The following GNAI3 variants were observed in gnomAD, a reference collection of about 807,000 sequenced individuals.
GNAI3 encodes the protein guanine nucleotide-binding protein G(i) subunit alpha-3.
GNAI3 carries 12 observed loss-of-function variants against 41.8 expected under a neutral mutation model. That is an observed-to-expected ratio of 0.29 (90% CI 0.18 to 0.47). GNAI3 has a LOEUF of 0.47. Ranked by LOEUF, GNAI3 falls within the 20% of genes least tolerant of loss-of-function variation. GNAI3 has a pLI of 1.00. For synonymous variants in GNAI3, 132 were observed against 146.5 expected, an observed-to-expected ratio of 0.90 and a Z score of 0.71; for missense variants, 360 against 429.6, an observed-to-expected ratio of 0.84 and a Z score of 1.43.
chr1:109,574,517 G>A (rs1648686587), intron 3 of GNAI3, among the ~76,000 whole-genome samples: 1 of 152,022 alleles, frequency 6.6e-6, no homozygotes, highest in Non-Finnish European at 1.5e-5. Flanking sequence ...TATACTACAT[G>A]GAACCTAAGG....
intron 1 of GNAI3, among the ~76,000 whole-genome samples, chr1:109,573,482 G>A (rs1284610876): frequency 1.3e-5 from 2 of 152,092 alleles, no homozygotes; most frequent in African/African-American, 4.8e-5. Context: ...CCTTGGATAT[G>A]CCTATTTTAC....
intron 1 of GNAI3, among the ~76,000 whole-genome samples, chr1:109,557,614 C>G (rs1379715509): frequency 6.6e-6 from 1 of 152,166 alleles, no homozygotes; most frequent in Non-Finnish European, 1.5e-5. Flanking sequence ...AACCCCCACC[C>G]TCTCCCCTAT....
At chr1:109,576,950 CA>C (rs1208651908) in intron 3 of GNAI3, among the ~76,000 whole-genome samples, 3 of 148,266 alleles carry the variant, frequency 2.0e-5, no homozygotes, top group Admixed American at 1.3e-4. Flanking sequence ...GTCAGGACAG[CA>C]AAAAAAGTAG....
At position 109,599,512 on chromosome 1, in the gene GNAI3, CATATT is replaced by C. The variant is rs1238429874; in HGVS notation, c.*7191_*7195del. 1.3e-5 allele frequency: 2 copies of C among 152,134 alleles called. No homozygotes were observed. The highest frequency in any genetic ancestry group is 4.8e-5 in the African/African-American group (2 of 41,430). The allele number at this position is 152,134 out of a possible 1,614,324, so 9.4% of individuals were successfully genotyped here. A position where few individuals can be genotyped will look rare whatever the true frequency, so the allele number is the denominator to read the frequency against. ...ATAGTATTTGTCCTTTTGTGTCAAT[CATATT>C]GTATTTTTGTCTAAAAAAGGAAAAC... On this transcript the variant is annotated 3_prime_UTR_variant, in exon 9 of 9. Transcript: ENST00000369851.
At chr1:109,584,186 T>C (rs1384009026) in intron 5 of GNAI3, among the ~76,000 whole-genome samples, 1 of 152,226 alleles carries the variant, frequency 6.6e-6, no homozygotes, top group African/African-American at 2.4e-5. Context: ...GTTTACGTAT[T>C]ACTAGATACC....
intron 1 of GNAI3, among the ~76,000 whole-genome samples, chr1:109,555,260 TTA>T (rs1261605300): frequency 5.9e-5 from 9 of 152,186 alleles, no homozygotes; most frequent in African/African-American, 2.2e-4. Flanking sequence ...CCTAGAGGCA[TTA>T]GATTACCTGA....
chr1:109,558,355 G>C (rs1571148136), intron 1 of GNAI3, among the ~76,000 whole-genome samples: 1 of 152,022 alleles, frequency 6.6e-6, no homozygotes, highest in African/African-American at 2.4e-5. Flanking sequence ...CCTGGGAGGC[G>C]GACGTTGCAG....
At position 109,573,794 on chromosome 1, in the gene GNAI3, A is replaced by G. The variant is rs1425289697; in HGVS notation, c.161+15A>G. 3 of 1,608,486 alleles carry G rather than the reference A, an allele frequency of 1.9e-6. No homozygotes were observed. In the South Asian group the frequency reaches 3.3e-5, roughly 18 times the overall value. Reference sequence around the variant, plus strand: ...AAACAGATGAAGTAAGTTGGAATGTAGCGTTTTGTTAGACTAGGATTTCTC... The same window carrying G: ...AAACAGATGAAGTAAGTTGGAATGTGGCGTTTTGTTAGACTAGGATTTCTC... On this transcript the variant is annotated intron_variant, in intron 2 of 8. Coordinates refer to ENST00000369851, the MANE Select transcript of GNAI3 (RefSeq NM_006496.4).
At chr1:109,570,891 A>G (rs957489667) in intron 1 of GNAI3, among the ~76,000 whole-genome samples, 8 of 152,244 alleles carry the variant, frequency 5.3e-5, no homozygotes, top group African/African-American at 1.7e-4. Flanking sequence ...CTGACTGGCA[A>G]ACTGGCTTTA....
At chr1:109,590,645 G>A (rs982495090) in intron 7 of GNAI3, among the ~76,000 whole-genome samples, 8 of 150,732 alleles carry the variant, frequency 5.3e-5, no homozygotes, top group South Asian at 2.1e-4. Context: ...GCATGATCTC[G>A]GCTCACTGCA....
intron 1 of GNAI3, among the ~76,000 whole-genome samples, chr1:109,552,173 A>T (rs1647997838): frequency 6.6e-6 from 1 of 152,232 alleles, no homozygotes; most frequent in Admixed American, 6.5e-5. Flanking sequence ...CAAAAAAAAA[A>T]AAAATAAAGT....
intron 3 of GNAI3, among the ~76,000 whole-genome samples, chr1:109,575,634 C>T (rs972237797): frequency 1.4e-5 from 2 of 141,812 alleles, no homozygotes; most frequent in African/African-American, 5.2e-5. Context: ...CAGGTTCAAG[C>T]GATTCTCCTG....
At chr1:109,562,381 T>C (rs1648333794) in intron 1 of GNAI3, among the ~76,000 whole-genome samples, 1 of 152,126 alleles carries the variant, frequency 6.6e-6, no homozygotes, top group African/African-American at 2.4e-5. Context: ...TGGATTTTGG[T>C]ATCCTAGGGG....
In GNAI3 at chr1:109,596,009, G is replaced by A. The variant is rs1405553746; in HGVS notation, c.*3687G>A. On this transcript the variant is annotated 3_prime_UTR_variant, in exon 9 of 9. Transcript: ENST00000369851. Reference sequence around the variant, plus strand: ...TGTGTTCTACTTTAGGCTTCGTAGTGCAAATCAGGGATCTGACCTGGATCA... The same window carrying A: ...TGTGTTCTACTTTAGGCTTCGTAGTACAAATCAGGGATCTGACCTGGATCA... The A allele has an allele frequency of 1.3e-5, 2 of 152,138 alleles. No individual in the cohort carries two copies. The highest frequency in any genetic ancestry group is 2.4e-5 in the African/African-American group (1 of 41,414). The allele number at this position is 152,138 out of a possible 1,614,324, so 9.4% of individuals were successfully genotyped here. A position where few individuals can be genotyped will look rare whatever the true frequency, so the allele number is the denominator to read the frequency against.
intron 1 of GNAI3, 76 bp from the exon 2 acceptor site, chr1:109,573,661 A>G: frequency 5.0e-6 from 6 of 1,211,372 alleles, no homozygotes; most frequent in South Asian, 3.7e-5. Flanking sequence ...ATCAATCTAG[A>G]GTTATCATTC....
At chr1:109,571,978 C>G (rs1360220865) in intron 1 of GNAI3, among the ~76,000 whole-genome samples, 1 of 151,800 alleles carries the variant, frequency 6.6e-6, no homozygotes, top group African/African-American at 2.4e-5. Context: ...GGGAAAAGGG[C>G]CAAGGAGGGA....
chr1:109,558,203 A>G (rs1648208389), intron 1 of GNAI3, among the ~76,000 whole-genome samples: 1 of 152,048 alleles, frequency 6.6e-6, no homozygotes, highest in Non-Finnish European at 1.5e-5. Flanking sequence ...TGGGCAGATC[A>G]CCTGAGGTCA....
Position 109,592,987 on chromosome 1 carries a change from G to A in GNAI3, c.*665G>A, listed in dbSNP as rs981868123. On this transcript the variant is annotated 3_prime_UTR_variant, in exon 9 of 9. Coordinates refer to ENST00000369851, the MANE Select transcript of GNAI3 (RefSeq NM_006496.4). ...TTCCATATGGTAATTACATTGGAAA[G>A]TTCTGCAATAAGATTCTAGTTCTCT... 6 of 152,604 alleles carry A rather than the reference G, an allele frequency of 3.9e-5. No individual in the cohort carries two copies. Among genetic ancestry groups the A allele is most frequent in the Admixed American group, 3.9e-4 (6 of 15,280 alleles). 9.5% of individuals were successfully genotyped at this position (152,604 alleles called of 1,614,324 possible).
rs1484210996 is a variant in GNAI3, at chr1:109,548,815, A to G, written c.95A>G (p.Lys32Arg). The change falls in exon 1 of 9, where the codon AAA (lysine) becomes AGA (arginine). Residue 32 changes from lysine (K) to arginine (R), a missense_variant. Lys to Arg is a conservative substitution (Grantham distance 26). Coordinates refer to ENST00000369851, the MANE Select transcript of GNAI3 (RefSeq NM_006496.4). The part of the protein sequence containing the change: ...NLREDGEKAA[K>R]EVKLLLLGAG... Reference sequence around the variant, plus strand: ...CGGGAGGACGGGGAAAAAGCGGCCAAAGAAGTGAAGCTGCTGCTACTCGGT... The same window carrying G: ...CGGGAGGACGGGGAAAAAGCGGCCAGAGAAGTGAAGCTGCTGCTACTCGGT... 5 of 1,609,216 alleles carry G rather than the reference A, an allele frequency of 3.1e-6. No homozygotes were observed. In the Admixed American group the frequency reaches 6.7e-5, roughly 22 times the overall value.
Sources: allele counts gnomAD v4.1 joint callset (sites outside exome capture counted in the v4.1 genomes callset), GRCh38; gene constraint gnomAD v4.1.1; transcripts MANE v1.5; gene names NCBI Gene and HGNC (gene_info 2026-07-23, HGNC 2026-07-21).